The following KLHL5 variants were observed in gnomAD, a reference collection of about 807,000 sequenced individuals.
KLHL5 encodes the protein kelch like family member 5.
Under a neutral mutation model 77.7 loss-of-function variants are expected in KLHL5, and 48 were observed. The ratio of observed to expected loss-of-function variants is 0.62; its 90% confidence interval spans 0.49 to 0.79. The LOEUF (loss-of-function observed/expected upper bound fraction) is 0.79. KLHL5 is among the 30% of genes least tolerant of loss of function. The probability of loss-of-function intolerance (pLI) is 0.00; values close to 1 mark genes in which losing one functional copy is unlikely to be tolerated. For synonymous variants in KLHL5, 260 were observed against 297.0 expected (o/e 0.88, Z 1.28); for missense variants, 723 against 859.7 (o/e 0.84, Z 1.99).
At position 39,073,112 on chromosome 4, in the gene KLHL5, T is replaced by TA. The variant is rs1577665695; in HGVS notation, c.384-2852dup. On this transcript the variant is annotated intron_variant, in intron 1 of 10. Transcript: ENST00000504108. ...AATATTTAAAAAATTATTTTTAAAA[T>TA]ATGGTGTTCAAATCTCGCCTCCGAC... 2.0e-5 allele frequency among the ~76,000 whole-genome samples: 3 copies of TA among 152,310 alleles called. No individual in the cohort carries two copies. In the East Asian group the frequency reaches 5.8e-4, roughly 29 times the overall value.
rs1722143206 is a variant in KLHL5, at chr4:39,107,579, A to G, written c.1536A>G (p.Val512=). The change falls in exon 8 of 11, where the codon GTA becomes GTG. Residue 512 remains valine, a synonymous_variant. Transcript: ENST00000504108. ...CCTGTCTCCTCATAGGTGTGGCTGT[A>G]CTGGAAGGTCCCATGTATGCCGTAG... is the stretch of plus-strand genomic sequence containing the variant. ...STHRHGLGVA[V]LEGPMYAVGG... is the part of the protein sequence containing the mutation. 1.2e-6 allele frequency: 2 copies of G among 1,609,994 alleles called. No individual in the cohort carries two copies. Among genetic ancestry groups the G allele is most frequent in the Non-Finnish European group, 1.7e-6 (2 of 1,177,192 alleles).
chr4:39,096,779 T>C lies in KLHL5; in HGVS notation c.1201T>C (p.Leu401=), dbSNP rs1304463960. Residue 401 remains leucine (L), a synonymous_variant, in exon 6 of 11, where the codon TTA becomes CTA. Transcript: ENST00000504108. The part of the protein sequence containing the change: ...LIMEAMKYHL[L]PERRPMLQSP... ...TATGGAAGCAATGAAGTACCATTTA[T>C]TACCAGAGAGACGACCCATGTTACA... 3.7e-6 allele frequency: 6 copies of C among 1,613,380 alleles called. No individual in the cohort carries two copies. In the African/African-American group the frequency reaches 8.0e-5, roughly 22 times the overall value.
chr4:39,109,793 C>T (rs11096980), intron 8 of KLHL5, among the ~76,000 whole-genome samples: 78,903 of 151,332 alleles, frequency 0.52, 21,257 homozygotes, highest in Non-Finnish European at 0.59. Context: ...CAGTGATTCT[C>T]CTGCCTCAGC....
At chr4:39,090,455 T>G (rs1380254745) in intron 5 of KLHL5, among the ~76,000 whole-genome samples, 1 of 151,958 alleles carries the variant, frequency 6.6e-6, no homozygotes, top group Non-Finnish European at 1.5e-5. Context: ...TATGGTTTTT[T>G]TTTTTTTTTT....
At chr4:39,117,655 T>C (rs1722934988) in intron 10 of KLHL5, among the ~76,000 whole-genome samples, 1 of 152,150 alleles carries the variant, frequency 6.6e-6, no homozygotes, top group Admixed American at 6.5e-5. Flanking sequence ...GACAATGGAA[T>C]AGAGCATCTA....
At position 39,103,293 on chromosome 4, in the gene KLHL5, C is replaced by T. The variant is rs1174119969; in HGVS notation, c.1307C>T (p.Thr436Ile). 16 of 1,610,612 alleles carry T rather than the reference C, an allele frequency of 9.9e-6. No individual in the cohort carries two copies. The highest frequency in any genetic ancestry group is 1.3e-5 in the Non-Finnish European group (15 of 1,178,112). ...VGGMDSTKGA[T>I]SIEKYDLRTN... is the part of the protein sequence containing the mutation. ...TCTATATATTACTATGAAGGAGCAA[C>T]AAGCATTGAAAAGTATGATCTCCGT... is the stretch of plus-strand genomic sequence containing the variant. The change falls in exon 7 of 11, where the codon ACA becomes ATA. Residue 436 changes from threonine (T) to isoleucine (I), a missense_variant. Physicochemically the swap from Thr to Ile is moderately conservative, Grantham distance 89. Around this residue, in one of 3 missense-constraint regions of KLHL5, gnomAD observed 288 missense variants for 400.3 expected, o/e 0.72. Coordinates refer to ENST00000504108, the MANE Select transcript of KLHL5 (RefSeq NM_015990.5).
At chr4:39,080,347 C>T (rs1719495925) in intron 2 of KLHL5, among the ~76,000 whole-genome samples, 2 of 151,772 alleles carry the variant, frequency 1.3e-5, no homozygotes, top group African/African-American at 2.4e-5. Flanking sequence ...GCCATCATGG[C>T]GAAACTCCAT....
rs1444685864 is a variant in KLHL5 at position 39,115,151 on chromosome 4, T to G, written c.1902-8T>G. ...AATGTCAGCTCCGGTTCTAAAATTT[T>G]CTTACAGATATGATCCCAAAACAGA... On this transcript the variant is annotated splice_polypyrimidine_tract_variant and splice_region_variant and intron_variant, in intron 9 of 10. Coordinates refer to ENST00000504108, the MANE Select transcript of KLHL5 (RefSeq NM_015990.5). 19 of 1,592,228 alleles carry G rather than the reference T, an allele frequency of 1.2e-5. No individual in the cohort carries two copies. Among genetic ancestry groups the G allele is most frequent in the Non-Finnish European group, 1.5e-5 (18 of 1,174,780 alleles).
intron 7 of KLHL5, 29 bp from the exon 8 acceptor site, chr4:39,107,540 G>A: frequency 1.3e-6 from 2 of 1,542,856 alleles, no homozygotes; most frequent in Non-Finnish European, 1.8e-6. Context: ...CCAATCTGAA[G>A]TCGTTAATTG....
At chr4:39,091,677 T>G (rs1027732319) in intron 5 of KLHL5, among the ~76,000 whole-genome samples, 1 of 146,652 alleles carries the variant, frequency 6.8e-6, no homozygotes, top group Non-Finnish European at 1.5e-5. Context: ...TAAAACAACT[T>G]TTTTTTTTTT....
upstream of KLHL5, among the ~76,000 whole-genome samples, chr4:39,057,652 C>T (rs988197313): frequency 6.6e-6 from 1 of 152,038 alleles, no homozygotes; most frequent in Non-Finnish European, 1.5e-5. Context: ...CAAAATCATG[C>T]AATGCAACTT....
At chr4:39,088,726 C>T (rs970019297) in intron 5 of KLHL5, among the ~76,000 whole-genome samples, 2 of 151,964 alleles carry the variant, frequency 1.3e-5, no homozygotes, top group Admixed American at 1.3e-4. Context: ...GACGAGAAGG[C>T]AGGGAGAATT....
chr4:39,138,761 A>T, the KLHL5 span, among the ~76,000 whole-genome samples: 6 of 152,190 alleles, frequency 3.9e-5, no homozygotes, highest in African/African-American at 1.4e-4. Flanking sequence ...AAAATAAGTT[A>T]AAAAAATTAA....
intron 9 of KLHL5, among the ~76,000 whole-genome samples, chr4:39,114,738 T>C (rs144933617): frequency 6.6e-6 from 1 of 152,332 alleles, no homozygotes; most frequent in Non-Finnish European, 1.5e-5. Flanking sequence ...TCAGTCATCT[T>C]AGCATGATGT....
At chr4:39,075,033 A>G (rs16995084) in intron 1 of KLHL5, among the ~76,000 whole-genome samples, 4,320 of 152,214 alleles carry the variant, frequency 0.028, 177 homozygotes, top group African/African-American at 0.097. Context: ...AGTAAATCAT[A>G]TGAAAACAGA....
rs1286752867 is a variant in KLHL5, at chr4:39,122,340, A to G, written c.*1274A>G. ...GTATGCATCAATGCACTTAATCCTT[A>G]TAACAACCTTATGAGGTAGTTCTAT... On this transcript the variant is annotated 3_prime_UTR_variant, in exon 11 of 11. Coordinates refer to ENST00000504108, the MANE Select transcript of KLHL5 (RefSeq NM_015990.5). 2.6e-5 allele frequency: 4 copies of G among 152,252 alleles called. No individual in the cohort carries two copies. Among genetic ancestry groups the G allele is most frequent in the Non-Finnish European group, 5.9e-5 (4 of 68,048 alleles). The allele number at this position is 152,252 out of a possible 1,614,324, so 9.4% of individuals were successfully genotyped here. A position where few individuals can be genotyped will look rare whatever the true frequency, so the allele number is the denominator to read the frequency against.
In KLHL5 at chr4:39,062,348, G is replaced by A. The variant is rs1717492585; in HGVS notation, c.-305G>A. 1 of 1,425,954 alleles carries A rather than the reference G, an allele frequency of 7.0e-7. No homozygotes were observed. The highest frequency in any genetic ancestry group is 9.1e-7 in the Non-Finnish European group (1 of 1,096,098). The allele number at this position is 1,425,954 out of a possible 1,614,324, so 88.3% of individuals were successfully genotyped here. ...CTGTCAGTGTTTGTGAGACCTAATG[G>A]TCAGTATGGGAAAGGAGAGCCGGGA... On this transcript the variant is annotated 5_prime_UTR_variant, in exon 1 of 11. Coordinates refer to ENST00000504108, the MANE Select transcript of KLHL5 (RefSeq NM_015990.5).
chr4:39,070,570 T>C (rs1357778867), intron 1 of KLHL5, among the ~76,000 whole-genome samples: 1 of 152,198 alleles, frequency 6.6e-6, no homozygotes, highest in African/African-American at 2.4e-5. Flanking sequence ...TTTTGATTTG[T>C]ATTTTCAAAG....
chr4:39,080,884 G>T (rs1013225155), intron 2 of KLHL5, among the ~76,000 whole-genome samples: 1 of 152,134 alleles, frequency 6.6e-6, no homozygotes, highest in Non-Finnish European at 1.5e-5. Context: ...CATTATTTGA[G>T]TAGTGAAGTG....
Sources: allele counts gnomAD v4.1 joint callset (sites outside exome capture counted in the v4.1 genomes callset), GRCh38; gene constraint gnomAD v4.1.1; regional missense constraint gnomAD v4.1.1; transcripts MANE v1.5; gene names NCBI Gene and HGNC (gene_info 2026-07-23, HGNC 2026-07-21).